ATF7IP2: variants seen among roughly 807,000 people sequenced by gnomAD.
ATF7IP2 encodes activating transcription factor 7-interacting protein 2.
In ATF7IP2, 42 loss-of-function variants were observed where a neutral mutation model predicts 64.2. That is an observed-to-expected ratio of 0.65 (90% CI 0.51 to 0.85). ATF7IP2 has a LOEUF of 0.85. Among genes scored for constraint, ATF7IP2 ranks in the 40% least tolerant of loss-of-function variants. The probability of loss-of-function intolerance (pLI) is 0.00; values close to 1 mark genes in which losing one functional copy is unlikely to be tolerated. For synonymous variants in ATF7IP2, 308 were observed against 272.8 expected (o/e 1.13, Z -1.27); for missense variants, 933 against 784.2 (o/e 1.19, Z -2.27).
chr16:10,425,905 A>T (rs2048076243), intron 3 of ATF7IP2, among the ~76,000 whole-genome samples: 1 of 152,126 alleles, frequency 6.6e-6, no homozygotes, highest in South Asian at 2.1e-4. Flanking sequence ...AAAAAAAAAA[A>T]AGTTAAAGGT....
chr16:10,470,364 G>T (rs1272512553), intron 9 of ATF7IP2, among the ~76,000 whole-genome samples: 2 of 152,038 alleles, frequency 1.3e-5, no homozygotes, highest in Non-Finnish European at 2.9e-5. Context: ...TATTACTGAA[G>T]AAATTAAAGG....
chr16:10,475,614 A>G (rs1347572404), intron 12 of ATF7IP2, among the ~76,000 whole-genome samples: 2 of 148,388 alleles, frequency 1.3e-5, no homozygotes, highest in African/African-American at 2.5e-5. Flanking sequence ...AATGGCGCGA[A>G]CCCGGGAAGT....
chr16:10,433,793 G>C (rs1427778252), intron 6 of ATF7IP2, 144 bp downstream of exon 6: 3 of 835,228 alleles, frequency 3.6e-6, no homozygotes, highest in Admixed American at 2.7e-5. Flanking sequence ...TTATCAGACA[G>C]ACTGGGGAGA....
intron 3 of ATF7IP2, among the ~76,000 whole-genome samples, chr16:10,427,407 T>TA (rs1196572208): frequency 1.3e-5 from 2 of 152,200 alleles, no homozygotes; most frequent in African/African-American, 2.4e-5. Flanking sequence ...TGGTAACTCT[T>TA]ACGTATTGAC....
At chr16:10,417,055 C>T (rs2047893099) in intron 2 of ATF7IP2, among the ~76,000 whole-genome samples, 1 of 151,966 alleles carries the variant, frequency 6.6e-6, no homozygotes, top group South Asian at 2.1e-4. Context: ...AATGAAACCT[C>T]ATGAAAGTAT....
chr16:10,387,956 G>T (rs548147177), intron 1 of ATF7IP2, among the ~76,000 whole-genome samples: 1 of 151,994 alleles, frequency 6.6e-6, no homozygotes, highest in African/African-American at 2.4e-5. Context: ...AGGCTGGAGT[G>T]AAGTGGCGCG....
intron 8 of ATF7IP2, among the ~76,000 whole-genome samples, chr16:10,441,216 T>G (rs1055759089): frequency 6.6e-6 from 1 of 152,212 alleles, no homozygotes; most frequent in African/African-American, 2.4e-5. Context: ...AACGTACGTG[T>G]GCATGTGTCT....
chr16:10,410,888 G>T (rs2047745948), intron 1 of ATF7IP2, among the ~76,000 whole-genome samples: 1 of 152,124 alleles, frequency 6.6e-6, no homozygotes, highest in Non-Finnish European at 1.5e-5. Flanking sequence ...TATGTCCTTT[G>T]TATGCCAATT....
intron 1 of ATF7IP2, among the ~76,000 whole-genome samples, chr16:10,413,598 T>A (rs1449928939): frequency 6.6e-6 from 1 of 152,154 alleles, no homozygotes; most frequent in Non-Finnish European, 1.5e-5. Context: ...TTTTTGTTTG[T>A]TTGTTTATTG....
intron 1 of ATF7IP2, among the ~76,000 whole-genome samples, chr16:10,402,226 C>A (rs2047548903): frequency 1.3e-5 from 2 of 152,098 alleles, no homozygotes; most frequent in African/African-American, 2.4e-5. Flanking sequence ...ATGCCATAAA[C>A]TTCTCTCTAA....
At chr16:10,440,496 A>G (rs775822786) in intron 8 of ATF7IP2, 34 bp downstream of exon 8, 9 of 1,164,176 alleles carry the variant, frequency 7.7e-6, no homozygotes, top group Non-Finnish European at 1.1e-5. Context: ...GTAATCATCT[A>G]TTTGACTCAT....
chr16:10,433,065 G>T (rs2048310125), intron 5 of ATF7IP2, among the ~76,000 whole-genome samples: 1 of 151,924 alleles, frequency 6.6e-6, no homozygotes, highest in Non-Finnish European at 1.5e-5. Context: ...TTTTTTCAAG[G>T]TTAGTTTGTG....
chr16:10,420,527 G>C (rs1397873917), intron 3 of ATF7IP2, among the ~76,000 whole-genome samples: 1 of 152,198 alleles, frequency 6.6e-6, no homozygotes, highest in Non-Finnish European at 1.5e-5. Context: ...ATTAACATGG[G>C]TTAAATTGTG....
intron 2 of ATF7IP2, among the ~76,000 whole-genome samples, chr16:10,417,354 AC>A (rs779613887): frequency 7.6e-4 from 116 of 152,292 alleles, no homozygotes; most frequent in Non-Finnish European, 2.1e-4. Context: ...ACATGGTAAG[AC>A]ACATTTAGAC....
chr16:10,402,745 T>C (rs1364241799), intron 1 of ATF7IP2, among the ~76,000 whole-genome samples: 1 of 152,148 alleles, frequency 6.6e-6, no homozygotes, highest in Non-Finnish European at 1.5e-5. Context: ...ATTACAGGCA[T>C]GCGTGACTAT....
In ATF7IP2 at chr16:10,472,516, A is replaced by C. The variant is rs958081589; in HGVS notation, c.1426+333A>C. Among the ~76,000 whole-genome samples, 99 of 151,330 alleles carry C rather than the reference A, an allele frequency of 6.5e-4. 1 individual carries two copies. Among genetic ancestry groups the C allele is most frequent in the African/African-American group, 2.0e-3 (84 of 41,202 alleles). On this transcript the variant is annotated intron_variant, in intron 10 of 13. Coordinates refer to ENST00000562102, the MANE Select transcript of ATF7IP2 (RefSeq NM_001393719.1). Reference sequence around the variant, plus strand: ...GTGACGGTTTGTTTTTTGTCTTCTTATTTTTTATCTATTAAGTTATCTTAT... The same window carrying C: ...GTGACGGTTTGTTTTTTGTCTTCTTCTTTTTTATCTATTAAGTTATCTTAT...
At position 10,430,688 on chromosome 16, in the gene ATF7IP2, G is replaced by A. The variant is rs150059548; in HGVS notation, c.68G>A (p.Arg23Gln). The A allele has an allele frequency of 4.3e-5, 69 of 1,613,972 alleles. No homozygotes were observed. Among genetic ancestry groups the A allele is most frequent in the Non-Finnish European group, 5.0e-5 (59 of 1,180,016 alleles). Residue 23 changes from arginine to glutamine, a missense_variant, in exon 5 of 14, where the codon CGG becomes CAG. Coordinates refer to ENST00000562102, the MANE Select transcript of ATF7IP2 (RefSeq NM_001393719.1). ...AAAAAGACAATGCCCCTAAGTTGCCGGAAGCAAGTAGAGATGCTGAATAAG... is the reference window on the plus strand; with the variant it reads ...AAAAAGACAATGCCCCTAAGTTGCCAGAAGCAAGTAGAGATGCTGAATAAG... ...KAKKTMPLSCRKQVEMLNKSR... is the reference protein window; with the variant it reads ...KAKKTMPLSCQKQVEMLNKSR...
intron 9 of ATF7IP2, among the ~76,000 whole-genome samples, chr16:10,469,129 C>T (rs564063625): frequency 2.6e-5 from 4 of 152,196 alleles, no homozygotes; most frequent in African/African-American, 9.6e-5. Context: ...AGGCATGCAA[C>T]ATAGCAAAAA....
chr16:10,457,445 T>A lies in ATF7IP2; in HGVS notation c.1268T>A (p.Val423Glu), dbSNP rs1324048678. The A allele has an allele frequency of 6.2e-7, 1 of 1,607,262 alleles. No homozygotes were observed. Among genetic ancestry groups the A allele is most frequent in the Non-Finnish European group, 8.5e-7 (1 of 1,177,110 alleles). The change falls in exon 9 of 14, where the codon GTG (valine) becomes GAG (glutamate). Residue 423 changes from valine (V) to glutamate (E), a missense_variant. By Grantham distance (121) the Val-to-Glu change is moderately radical. Coordinates refer to ENST00000562102, the MANE Select transcript of ATF7IP2 (RefSeq NM_001393719.1). ...SVNSPIEKSS[V>E]NYEPSNPSEK... ...AATAGTCCAATTGAAAAGTCTTCTG[T>A]GAATTATGAGCCTTCTAACCCTTCC... is the stretch of plus-strand genomic sequence containing the variant.
Sources: allele counts gnomAD v4.1 joint callset (sites outside exome capture counted in the v4.1 genomes callset), GRCh38; gene constraint gnomAD v4.1.1; transcripts MANE v1.5; gene names NCBI Gene and HGNC (gene_info 2026-07-23, HGNC 2026-07-21).